MLLT10: variants seen among roughly 807,000 people sequenced by gnomAD.
MLLT10 encodes the protein protein AF-10.
MLLT10 carries 30 observed loss-of-function variants against 129.1 expected under a neutral mutation model. That is an observed-to-expected ratio of 0.23 (90% CI 0.17 to 0.32). The LOEUF (loss-of-function observed/expected upper bound fraction) is 0.32. Ranked by LOEUF, MLLT10 falls within the 10% of genes least tolerant of loss-of-function variation. MLLT10 has a pLI of 1.00. For missense variants in MLLT10, 1,119 were observed against 1,268.3 expected (o/e 0.88, Z 1.79); for synonymous variants, 490 against 446.4 (o/e 1.10, Z -1.23).
At chr10:21,697,127 G>T (rs992878513) in intron 13 of MLLT10, among the ~76,000 whole-genome samples, 1 of 150,174 alleles carries the variant, frequency 6.7e-6, no homozygotes, top group South Asian at 2.1e-4. Flanking sequence ...AAAAAAGAGG[G>T]AGAATTTATT....
intron 4 of MLLT10, among the ~76,000 whole-genome samples, chr10:21,587,500 A>G (rs2042101049): frequency 6.7e-6 from 1 of 149,488 alleles, no homozygotes; most frequent in Non-Finnish European, 1.5e-5. Flanking sequence ...CTTGTATATT[A>G]CTCATTTTCT....
At chr10:21,562,829 T>G (rs547445609) in intron 3 of MLLT10, among the ~76,000 whole-genome samples, 47 of 139,532 alleles carry the variant, frequency 3.4e-4, no homozygotes, top group East Asian at 1.2e-3. Context: ...TTTTTTTTTT[T>G]TTTTTTTTTG....
At chr10:21,643,808 A>C (rs2048237584) in intron 8 of MLLT10, among the ~76,000 whole-genome samples, 2 of 151,836 alleles carry the variant, frequency 1.3e-5, no homozygotes, top group South Asian at 4.1e-4. Context: ...CATTTTGTGG[A>C]ATTTTATGTT....
At chr10:21,602,740 T>A (rs1446902735) in intron 5 of MLLT10, among the ~76,000 whole-genome samples, 1 of 152,130 alleles carries the variant, frequency 6.6e-6, no homozygotes, top group Non-Finnish European at 1.5e-5. Flanking sequence ...ACTCTTTTTT[T>A]TTTTTTGAGA....
At chr10:21,686,304 A>G (rs1368220359) in intron 13 of MLLT10, among the ~76,000 whole-genome samples, 1 of 152,088 alleles carries the variant, frequency 6.6e-6, no homozygotes, top group East Asian at 1.9e-4. Context: ...TCCCTTTCCA[A>G]ACTGCCTCAA....
chr10:21,573,558 G>A (rs555409583), intron 3 of MLLT10, among the ~76,000 whole-genome samples: 2 of 151,694 alleles, frequency 1.3e-5, no homozygotes, highest in South Asian at 4.2e-4. Context: ...ATTTTCAAAT[G>A]TTACGCTAAA....
At chr10:21,653,827 A>G (rs1564584397) in intron 9 of MLLT10, among the ~76,000 whole-genome samples, 2 of 152,246 alleles carry the variant, frequency 1.3e-5, no homozygotes, top group Non-Finnish European at 2.9e-5. Flanking sequence ...AACTTTGGAT[A>G]TTAAATGTGG....
At chr10:21,635,661 T>C (rs2047383494) in intron 8 of MLLT10, among the ~76,000 whole-genome samples, 1 of 152,018 alleles carries the variant, frequency 6.6e-6, no homozygotes, top group African/African-American at 2.4e-5. Flanking sequence ...GCTTTGTTTT[T>C]ATATTTGGGA....
At chr10:21,705,380 A>T (rs1323009478) in intron 13 of MLLT10, among the ~76,000 whole-genome samples, 1 of 152,168 alleles carries the variant, frequency 6.6e-6, no homozygotes, top group Non-Finnish European at 1.5e-5. Context: ...GTGCTCTGGC[A>T]TGGGCTGAGG....
rs562389620 is a variant in MLLT10 at position 21,623,357 on chromosome 10, A to G, written c.699+6150A>G. 1.6e-4 allele frequency among the ~76,000 whole-genome samples: 25 copies of G among 152,272 alleles called. No individual in the cohort carries two copies. In the South Asian group the frequency reaches 5.2e-3, roughly 32 times the overall value. On this transcript the variant is annotated intron_variant, in intron 8 of 22. Transcript: ENST00000307729. ...TTACCTTATTAGTGTAAACTCAAGT[A>G]TGGTTGAAAGGGGCTTATTATGAGC...
intron 13 of MLLT10, among the ~76,000 whole-genome samples, chr10:21,701,019 T>C (rs193076286): frequency 1.3e-5 from 2 of 152,322 alleles, no homozygotes; most frequent in Non-Finnish European, 1.5e-5. Context: ...TCATTGTTGG[T>C]CTGTTCAGGG....
intron 21 of MLLT10, chr10:21,738,319 TACCAG>T: frequency 2.9e-6 from 3 of 1,017,430 alleles, no homozygotes; most frequent in African/African-American, 1.7e-5. Context: ...TGTTTTTTCT[TACCAG>T]TTGCCTCATC....
chr10:21,659,768 C>T (rs1173139948), intron 9 of MLLT10, among the ~76,000 whole-genome samples: 1 of 152,106 alleles, frequency 6.6e-6, no homozygotes, highest in Non-Finnish European at 1.5e-5. Context: ...GCCTTGGCCT[C>T]CCAAAGTGCT....
At chr10:21,738,125 G>A (rs376914131) in intron 21 of MLLT10, among the ~76,000 whole-genome samples, 9 of 152,090 alleles carry the variant, frequency 5.9e-5, no homozygotes, top group Non-Finnish European at 8.8e-5. Flanking sequence ...AAAATTAGCC[G>A]GGTGTGGTGG....
chr10:21,637,562 G>C (rs191137967), intron 8 of MLLT10, among the ~76,000 whole-genome samples: 1 of 152,294 alleles, frequency 6.6e-6, no homozygotes, highest in Non-Finnish European at 1.5e-5. Context: ...GAGCTATTGA[G>C]ACTGAGGCTT....
Position 21,710,129 on chromosome 10 carries a change from A to G in MLLT10, c.1700-3643A>G, listed in dbSNP as rs1015727201. On this transcript the variant is annotated intron_variant, in intron 13 of 22. Coordinates refer to ENST00000307729, the MANE Select transcript of MLLT10 (RefSeq NM_001195626.3). ...CTTTGTGATCTATTTTTGTTTGTTTACCCTTTAAATGGTAATGTTATTTAG... is the reference window on the plus strand; with the variant it reads ...CTTTGTGATCTATTTTTGTTTGTTTGCCCTTTAAATGGTAATGTTATTTAG... Among the ~76,000 whole-genome samples the G allele has an allele frequency of 7.9e-5, 12 of 152,022 alleles. No homozygotes were observed. The South Asian group carries it at 2.3e-3, about 29-fold the overall frequency.
intron 3 of MLLT10, among the ~76,000 whole-genome samples, chr10:21,542,808 C>CCTGTG (rs1308691726): frequency 6.6e-6 from 1 of 152,114 alleles, no homozygotes; most frequent in Non-Finnish European, 1.5e-5. Flanking sequence ...ATCCATTGAG[C>CCTGTG]CTGTGAGTTT....
intron 4 of MLLT10, among the ~76,000 whole-genome samples, chr10:21,591,822 C>T (rs2042538623): frequency 6.6e-6 from 1 of 151,852 alleles, no homozygotes; most frequent in Non-Finnish European, 1.5e-5. Context: ...CTCCCAGGTT[C>T]AAGCAGTCCT....
At position 21,672,417 on chromosome 10, in the gene MLLT10, G is replaced by A. The variant is rs1048864662; in HGVS notation, c.1052-933G>A. ...TCATTTTTAAATTTTTTGTAGAGAC[G>A]GGTTCAGCCTCCTGAGTAGCTGGGA... On this transcript the variant is annotated intron_variant, in intron 10 of 22. Coordinates refer to ENST00000307729, the MANE Select transcript of MLLT10 (RefSeq NM_001195626.3). 2.1e-4 allele frequency among the ~76,000 whole-genome samples: 32 copies of A among 151,858 alleles called. 1 individual carries two copies. The highest frequency in any genetic ancestry group is 7.7e-4 in the African/African-American group (32 of 41,366).
Sources: gnomAD v4.1 joint callset for allele counts (sites outside exome capture counted in the v4.1 genomes callset) on GRCh38, gnomAD v4.1.1 for gene constraint, MANE v1.5 for transcripts, NCBI Gene and HGNC (gene_info 2026-07-23, HGNC 2026-07-21) for gene names.